The following ELAPOR2 variants were observed in gnomAD, a reference collection of about 807,000 sequenced individuals.
ELAPOR2 encodes the protein endosome-lysosome associated apoptosis and autophagy regulator family member 2.
A neutral mutation model predicts 120.7 loss-of-function variants in ELAPOR2; 89 were observed. The observed-to-expected ratio is 0.74, with a 90% CI of 0.62 to 0.88. The LOEUF (loss-of-function observed/expected upper bound fraction) is 0.88. ELAPOR2 is among the 40% of genes least tolerant of loss of function. The pLI, the probability that ELAPOR2 is intolerant of heterozygous loss-of-function variation, is 0.00. For missense variants in ELAPOR2, 1,134 were observed against 1,251.6 expected (o/e 0.91, Z 1.42); for synonymous variants, 444 against 444.9 (o/e 1.00, Z 0.03).
At chr7:87,049,309 C>A (rs1046599903) in intron 1 of ELAPOR2, among the ~76,000 whole-genome samples, 3 of 151,338 alleles carry the variant, frequency 2.0e-5, no homozygotes, top group African/African-American at 7.3e-5. Flanking sequence ...TGAGACCGAG[C>A]CTCGCTCTGT....
At chr7:87,033,908 T>C (rs1005793999) in intron 1 of ELAPOR2, among the ~76,000 whole-genome samples, 3 of 152,102 alleles carry the variant, frequency 2.0e-5, no homozygotes, top group African/African-American at 7.2e-5. Flanking sequence ...ATAGATGGTA[T>C]AGAAAACAGA....
intron 3 of ELAPOR2, 21 bp downstream of exon 3, chr7:86,947,706 A>G: frequency 6.5e-7 from 1 of 1,544,650 alleles, no homozygotes; most frequent in East Asian, 2.5e-5. Context: ...TTAAGAGCCA[A>G]AGGCTGCTTT....
intron 19 of ELAPOR2, 146 bp downstream of exon 19, chr7:86,897,360 T>G: frequency 1.0e-6 from 1 of 955,242 alleles, no homozygotes; most frequent in Non-Finnish European, 1.6e-6. Flanking sequence ...AGAGTTCAGC[T>G]GCCAAACTTG....
chr7:87,011,249 C>CAAAAA (rs772971682), intron 1 of ELAPOR2, among the ~76,000 whole-genome samples: 95 of 51,212 alleles, frequency 1.9e-3, no homozygotes, highest in Middle Eastern at 9.8e-3. Context: ...GACTCCATCT[C>CAAAAA]AAAAAAAAAA....
intron 2 of ELAPOR2, among the ~76,000 whole-genome samples, chr7:86,960,581 G>A (rs745601075): frequency 3.9e-5 from 6 of 151,976 alleles, no homozygotes; most frequent in South Asian, 2.1e-4. Context: ...TTCTGTCCAC[G>A]TGATCTGTCC....
chr7:86,932,410 T>C (rs943804773), intron 8 of ELAPOR2, among the ~76,000 whole-genome samples: 3 of 151,884 alleles, frequency 2.0e-5, no homozygotes, highest in African/African-American at 7.3e-5. Flanking sequence ...ATTTTTAAAA[T>C]TCATTACTAG....
chr7:86,995,352 A>G (rs944994858), intron 1 of ELAPOR2, among the ~76,000 whole-genome samples: 4 of 152,234 alleles, frequency 2.6e-5, no homozygotes, highest in Non-Finnish European at 5.9e-5. Flanking sequence ...TGGCTGTATT[A>G]CAACTTTATT....
At chr7:86,918,884 A>G (rs1459835883) in intron 11 of ELAPOR2, among the ~76,000 whole-genome samples, 1 of 152,174 alleles carries the variant, frequency 6.6e-6, no homozygotes, top group Non-Finnish European at 1.5e-5. Context: ...GAGAACTGAG[A>G]AAAAATAGAT....
At chr7:87,006,016 A>G (rs575860274) in intron 1 of ELAPOR2, among the ~76,000 whole-genome samples, 1 of 152,326 alleles carries the variant, frequency 6.6e-6, no homozygotes, top group South Asian at 2.1e-4. Context: ...TTCTGAAAAC[A>G]TACTTCTGGC....
chr7:87,027,757 G>A (rs1221562668), intron 1 of ELAPOR2, among the ~76,000 whole-genome samples: 1 of 152,138 alleles, frequency 6.6e-6, no homozygotes, highest in Non-Finnish European at 1.5e-5. Context: ...AACCAAGCCT[G>A]CTGGCACCTT....
chr7:86,905,182 AAG>A (rs147886977), intron 18 of ELAPOR2, among the ~76,000 whole-genome samples: 8,032 of 143,032 alleles, frequency 0.056, 261 homozygotes, highest in East Asian at 0.12. Context: ...GAAAGAGAGA[AAG>A]AGAGAGAGAG....
At chr7:86,909,759 G>A in intron 16 of ELAPOR2, 53 bp downstream of exon 16, 1 of 1,396,602 alleles carries the variant, frequency 7.2e-7, no homozygotes, top group East Asian at 2.3e-5. Flanking sequence ...GTTATTCATA[G>A]CATAATTTAA....
At chr7:87,040,567 G>A (rs1794749723) in intron 1 of ELAPOR2, among the ~76,000 whole-genome samples, 1 of 151,924 alleles carries the variant, frequency 6.6e-6, no homozygotes, top group African/African-American at 2.4e-5. Context: ...TCTGTTAGAA[G>A]GAAAACTAAC....
chr7:86,931,738 G>A (rs1790338208), intron 8 of ELAPOR2, among the ~76,000 whole-genome samples: 2 of 151,748 alleles, frequency 1.3e-5, no homozygotes, highest in African/African-American at 2.4e-5. Context: ...TAATGGAAAT[G>A]ATTAAGTATT....
At chr7:86,885,011 T>C (rs1336501196) in intron 21 of ELAPOR2, among the ~76,000 whole-genome samples, 1 of 152,116 alleles carries the variant, frequency 6.6e-6, no homozygotes, top group Non-Finnish European at 1.5e-5. Context: ...ATATTTGGAC[T>C]CTTATTGTCG....
chr7:86,998,356 G>A (rs1427617988), intron 1 of ELAPOR2, among the ~76,000 whole-genome samples: 1 of 152,162 alleles, frequency 6.6e-6, no homozygotes, highest in Non-Finnish European at 1.5e-5. Context: ...AAAAAATGGT[G>A]AACGATTAAG....
intron 1 of ELAPOR2, among the ~76,000 whole-genome samples, chr7:86,997,793 C>T (rs1228427931): frequency 6.6e-6 from 1 of 152,206 alleles, no homozygotes; most frequent in African/African-American, 2.4e-5. Context: ...ACAGAAGTAT[C>T]TCAGTCAAGT....
chr7:86,903,937 T>G (rs1788842473), intron 18 of ELAPOR2, among the ~76,000 whole-genome samples: 1 of 152,284 alleles, frequency 6.6e-6, no homozygotes, highest in Non-Finnish European at 1.5e-5. Flanking sequence ...AGTTATCCTC[T>G]GGGGTAAGTG....
chr7:87,015,406 T>C (rs1793834949), intron 1 of ELAPOR2, among the ~76,000 whole-genome samples: 1 of 152,208 alleles, frequency 6.6e-6, no homozygotes, highest in Non-Finnish European at 1.5e-5. Context: ...TAAAATTTAT[T>C]CAGCAAATAT....
Sources: gnomAD v4.1 joint callset for allele counts (sites outside exome capture counted in the v4.1 genomes callset) on GRCh38, gnomAD v4.1.1 for gene constraint, MANE v1.5 for transcripts, NCBI Gene and HGNC (gene_info 2026-07-23, HGNC 2026-07-21) for gene names.